Variants in GPR176 observed in about 807,000 individuals in gnomAD.
The protein encoded by GPR176 is G protein-coupled receptor 176, also known as G-protein coupled receptor 176.
In GPR176, 26 loss-of-function variants were observed where a neutral mutation model predicts 35.4. That is an observed-to-expected ratio of 0.74 (90% CI 0.54 to 1.02). GPR176 has a LOEUF of 1.02. GPR176 is among the 50% of genes least tolerant of loss of function. GPR176 has a pLI of 0.00. For synonymous variants in GPR176, 278 were observed against 271.3 expected (o/e 1.02, Z -0.24); for missense variants, 597 against 665.3 (o/e 0.90, Z 1.13).
intron 1 of GPR176, among the ~76,000 whole-genome samples, chr15:39,841,141 T>C (rs1022872542): frequency 6.6e-6 from 1 of 152,104 alleles, no homozygotes; most frequent in African/African-American, 2.4e-5. Context: ...ATTTAACACT[T>C]ATAACTAGAT....
intron 1 of GPR176, among the ~76,000 whole-genome samples, chr15:39,888,299 GT>G (rs1160967235): frequency 6.6e-6 from 1 of 151,770 alleles, no homozygotes; most frequent in African/African-American, 2.4e-5. Flanking sequence ...TTGTTTGTTT[GT>G]TTGGAGACAA....
At chr15:39,840,268 G>A (rs779171311) in intron 1 of GPR176, among the ~76,000 whole-genome samples, 6 of 152,190 alleles carry the variant, frequency 3.9e-5, no homozygotes, top group Non-Finnish European at 8.8e-5. Context: ...TTAAGAAAAT[G>A]TGATACATAT....
At chr15:39,844,753 CA>C (rs1175519673) in intron 1 of GPR176, among the ~76,000 whole-genome samples, 1 of 152,062 alleles carries the variant, frequency 6.6e-6, no homozygotes, top group Non-Finnish European at 1.5e-5. Flanking sequence ...CAAACCTGGG[CA>C]GCCCAACACT....
At chr15:39,829,222 A>T (rs2140825192) in intron 1 of GPR176, 1 of 1,506,166 alleles carries the variant, frequency 6.6e-7, no homozygotes, top group Middle Eastern at 1.7e-4. Context: ...AACACTGAGA[A>T]CAAAGACCAA....
At chr15:39,919,204 A>ATG (rs139095859) in intron 1 of GPR176, among the ~76,000 whole-genome samples, 9,347 of 151,834 alleles carry the variant, frequency 0.062, 709 homozygotes, top group Admixed American at 0.22. Context: ...TAAATCTGGG[A>ATG]TGTGTGTGTG....
intron 1 of GPR176, among the ~76,000 whole-genome samples, chr15:39,812,624 T>A (rs553911008): frequency 6.6e-6 from 1 of 152,326 alleles, no homozygotes; most frequent in South Asian, 2.1e-4. Context: ...CACTTTGTGA[T>A]CGTGTGAGTC....
At chr15:39,830,667 T>C (rs1901014378) in intron 1 of GPR176, among the ~76,000 whole-genome samples, 1 of 152,236 alleles carries the variant, frequency 6.6e-6, no homozygotes, top group Non-Finnish European at 1.5e-5. Flanking sequence ...TAAATGTTAA[T>C]AGCTGCAGCT....
chr15:39,891,762 C>A (rs2032881317), intron 1 of GPR176, among the ~76,000 whole-genome samples: 1 of 152,038 alleles, frequency 6.6e-6, no homozygotes, highest in South Asian at 2.1e-4. Context: ...CCACTTAAGC[C>A]CAGGAGTTGG....
chr15:39,868,104 T>G (rs916640447), intron 1 of GPR176, among the ~76,000 whole-genome samples: 1 of 151,684 alleles, frequency 6.6e-6, no homozygotes, highest in African/African-American at 2.4e-5. Context: ...CATTAAGAGA[T>G]AGCTAAGTGC....
chr15:39,907,539 G>A lies in GPR176; in HGVS notation c.172+12316C>T, dbSNP rs573811551. Among the ~76,000 whole-genome samples the A allele has an allele frequency of 2.0e-5, 3 of 152,296 alleles. No individual in the cohort carries two copies. In the South Asian group the frequency reaches 6.2e-4, roughly 32 times the overall value. ...CAACCATACACCTGCCATATGTCCA[G>A]TATTTCATCCACACCCCATAATTGA... On this transcript the variant is annotated intron_variant, in intron 1 of 2. Transcript: ENST00000561100.
At chr15:39,877,899 C>T (rs898644647) in intron 1 of GPR176, among the ~76,000 whole-genome samples, 2 of 152,188 alleles carry the variant, frequency 1.3e-5, no homozygotes, top group Middle Eastern at 3.4e-3. Flanking sequence ...TGCAGTATTT[C>T]CCAACAGAGA....
In GPR176 at chr15:39,804,501, C is replaced by A. The variant is rs538044089; in HGVS notation, c.426-2247G>T. ...GAAAATGAGAATTTCTTACTGTTTTCGTATTTCTTTGTTTAAGACCAAGGC... is the reference window on the plus strand; with the variant it reads ...GAAAATGAGAATTTCTTACTGTTTTAGTATTTCTTTGTTTAAGACCAAGGC... On this transcript the variant is annotated intron_variant, in intron 2 of 2. Transcript: ENST00000561100. 2.0e-5 allele frequency among the ~76,000 whole-genome samples: 3 copies of A among 152,040 alleles called. No homozygotes were observed. The South Asian group carries it at 6.2e-4, about 32-fold the overall frequency.
intron 1 of GPR176, among the ~76,000 whole-genome samples, chr15:39,844,814 A>G (rs3784391): frequency 0.38 from 57,992 of 151,926 alleles, 12,013 homozygotes; most frequent in East Asian, 0.71. Context: ...CCTGACATCC[A>G]ACCAGAAAAG....
chr15:39,805,704 G>T (rs1899146829), intron 2 of GPR176, among the ~76,000 whole-genome samples: 1 of 152,176 alleles, frequency 6.6e-6, no homozygotes, highest in Non-Finnish European at 1.5e-5. Flanking sequence ...AGATCTGATG[G>T]TAACATGATT....
intron 1 of GPR176, among the ~76,000 whole-genome samples, chr15:39,839,671 CA>C (rs1901624157): frequency 1.3e-5 from 2 of 151,972 alleles, no homozygotes; most frequent in Non-Finnish European, 2.9e-5. Context: ...CAAAAGAAAC[CA>C]CCATCAGAGC....
intron 1 of GPR176, among the ~76,000 whole-genome samples, chr15:39,833,461 C>G (rs193226049): frequency 1.3e-5 from 2 of 152,164 alleles, no homozygotes; most frequent in Admixed American, 6.5e-5. Flanking sequence ...TCCTTAGAAA[C>G]AGAGAGTAGA....
At chr15:39,906,327 G>A (rs1434426072) in intron 1 of GPR176, among the ~76,000 whole-genome samples, 1 of 152,126 alleles carries the variant, frequency 6.6e-6, no homozygotes, top group Non-Finnish European at 1.5e-5. Context: ...TGGGTAGAAG[G>A]GGTGGTCCCC....
chr15:39,829,756 A>C (rs1900940060), intron 1 of GPR176, among the ~76,000 whole-genome samples: 1 of 152,072 alleles, frequency 6.6e-6, no homozygotes, highest in Non-Finnish European at 1.5e-5. Context: ...CCAAGCTGGG[A>C]AATTGGAGGA....
At chr15:39,874,834 G>C (rs373706397) in intron 1 of GPR176, among the ~76,000 whole-genome samples, 1 of 152,180 alleles carries the variant, frequency 6.6e-6, no homozygotes, top group East Asian at 1.9e-4. Flanking sequence ...ACCTGAGGTC[G>C]GGAGTTCAAG....
Sources: gnomAD v4.1 joint callset for allele counts (sites outside exome capture counted in the v4.1 genomes callset) on GRCh38, gnomAD v4.1.1 for gene constraint, MANE v1.5 for transcripts, NCBI Gene and HGNC (gene_info 2026-07-23, HGNC 2026-07-21) for gene names.